Variants in TMEM120B observed in about 807,000 individuals in gnomAD.
The protein encoded by TMEM120B is transmembrane protein 120B.
Under a neutral mutation model 55.5 loss-of-function variants are expected in TMEM120B, and 31 were observed. That is an observed-to-expected ratio of 0.56 (90% CI 0.42 to 0.75). TMEM120B has a LOEUF of 0.75. TMEM120B is among the 30% of genes least tolerant of loss of function. The pLI is 0.00. For missense variants in TMEM120B, 399 were observed against 425.5 expected (o/e 0.94, Z 0.55); for synonymous variants, 203 against 176.3 (o/e 1.15, Z -1.20).
intron 3 of TMEM120B, among the ~76,000 whole-genome samples, chr12:121,749,988 GTC>G (rs1357146205): frequency 6.6e-6 from 1 of 151,086 alleles, no homozygotes; most frequent in African/African-American, 2.4e-5. Flanking sequence ...GTGAGACCCT[GTC>G]TCTAAAAATA....
chr12:121,774,766 C>T (rs759246658), intron 10 of TMEM120B, 44 bp downstream of exon 10: 3 of 1,597,736 alleles, frequency 1.9e-6, no homozygotes, highest in Non-Finnish European at 2.6e-6. Context: ...TCTGGGCTGA[C>T]CCCCAGGAAC....
intron 1 of TMEM120B, among the ~76,000 whole-genome samples, chr12:121,727,548 A>AG (rs35336753): frequency 0.41 from 57,747 of 141,802 alleles, 12,909 homozygotes; most frequent in African/African-American, 0.57. Flanking sequence ...AAAAAAAAAA[A>AG]AAAAAAAAAA....
chr12:121,760,640 G>T (rs1056543653), intron 5 of TMEM120B, among the ~76,000 whole-genome samples: 2 of 152,172 alleles, frequency 1.3e-5, no homozygotes, highest in African/African-American at 4.8e-5. Context: ...CAGCTCCTGA[G>T]ATCTTACCAG....
rs570198558 is a variant in TMEM120B, at chr12:121,714,295, C to T, written c.69+1331C>T. 9.2e-5 allele frequency among the ~76,000 whole-genome samples: 14 copies of T among 152,238 alleles called. No homozygotes were observed. In the South Asian group the frequency reaches 2.5e-3, roughly 27 times the overall value. On this transcript the variant is annotated intron_variant, in intron 1 of 11. Coordinates refer to ENST00000449592, the MANE Select transcript of TMEM120B (RefSeq NM_001080825.2). ...TGTTTTTGTGACAGAGTCTCACTGTCGCCCAGGCTGGAGTGCAGTGGCGTG... is the reference window on the plus strand; with the variant it reads ...TGTTTTTGTGACAGAGTCTCACTGTTGCCCAGGCTGGAGTGCAGTGGCGTG...
intron 9 of TMEM120B, 31 bp downstream of exon 9, chr12:121,773,544 GC>G: frequency 1.3e-6 from 2 of 1,541,610 alleles, no homozygotes; most frequent in Middle Eastern, 3.8e-4. Context: ...TGGAGCCGGG[GC>G]AGGTACTGGA....
Position 121,731,183 on chromosome 12 carries a change from A to G in TMEM120B, c.70-12446A>G, listed in dbSNP as rs114239678. ...TTGCATACTGATGTGTCTGTCAAAG[A>G]CAGTGGTCCTATGAGATTATGATGC... On this transcript the variant is annotated intron_variant, in intron 1 of 11. Coordinates refer to ENST00000449592, the MANE Select transcript of TMEM120B (RefSeq NM_001080825.2). 1.5e-3 allele frequency among the ~76,000 whole-genome samples: 221 copies of G among 152,240 alleles called. 1 individual carries two copies. The highest frequency in any genetic ancestry group is 5.1e-3 in the African/African-American group (211 of 41,538).
intron 1 of TMEM120B, among the ~76,000 whole-genome samples, chr12:121,729,692 G>A (rs1034239323): frequency 1.1e-4 from 17 of 151,706 alleles, no homozygotes; most frequent in Non-Finnish European, 2.4e-4. Flanking sequence ...CTAGCTACTC[G>A]GGAGGCTGAG....
At chr12:121,719,339 C>A (rs1415774168) in intron 1 of TMEM120B, among the ~76,000 whole-genome samples, 3 of 152,200 alleles carry the variant, frequency 2.0e-5, no homozygotes, top group Non-Finnish European at 4.4e-5. Flanking sequence ...CCTGTAATCC[C>A]AACAGGAGGC....
chr12:121,734,573 TC>T (rs1433778098), intron 1 of TMEM120B, among the ~76,000 whole-genome samples: 2 of 151,872 alleles, frequency 1.3e-5, no homozygotes. Flanking sequence ...AGTTTCTTTT[TC>T]TTTGTTTTTT....
chr12:121,750,413 C>A lies in TMEM120B; in HGVS notation c.339C>A (p.Asn113Lys). ...TGAACCTGGTCCTCGGCAATGTGAACGTGACCCTCCTCAGCAACCAGGCCA... is the reference window on the plus strand; with the variant it reads ...TGAACCTGGTCCTCGGCAATGTGAAAGTGACCCTCCTCAGCAACCAGGCCA... ...LYLNLVLGNVNVTLLSNQAKF... is the reference protein window; with the variant it reads ...LYLNLVLGNVKVTLLSNQAKF... Residue 113 changes from asparagine (N) to lysine (K), a missense_variant, in exon 4 of 12, where the codon AAC becomes AAA. This residue lies in a region of TMEM120B where 260 missense variants were observed against 303.9 expected (regional missense o/e 0.86). Transcript: ENST00000449592. 6.2e-7 allele frequency: 1 copy of A among 1,612,490 alleles called. No homozygotes were observed.
At chr12:121,755,742 T>C (rs1208109885) in intron 5 of TMEM120B, among the ~76,000 whole-genome samples, 4 of 152,170 alleles carry the variant, frequency 2.6e-5, no homozygotes, top group Admixed American at 2.6e-4. Context: ...TGGAGCTCAA[T>C]ACTGCTAGGG....
At chr12:121,717,960 A>G (rs182583484) in intron 1 of TMEM120B, among the ~76,000 whole-genome samples, 5 of 152,222 alleles carry the variant, frequency 3.3e-5, no homozygotes, top group Admixed American at 3.3e-4. Context: ...CCAGCCGGGC[A>G]TCTTTCTTTA....
rs767468444 is a variant in TMEM120B, at chr12:121,781,155, G to A, written c.*5433G>A. The A allele has an allele frequency of 6.2e-7, 1 of 1,614,232 alleles. No homozygotes were observed. Among genetic ancestry groups the A allele is most frequent in the South Asian group, 1.1e-5 (1 of 91,090 alleles). ...AGATGAGCACGAGGTGGGTGTTCTG[G>A]TAGGACAGGGGCCGCAGCCGGTCAT... On this transcript the variant is annotated 3_prime_UTR_variant, in exon 12 of 12. Transcript: ENST00000449592.
intron 5 of TMEM120B, chr12:121,758,839 G>A (rs1873572242): frequency 3.1e-6 from 3 of 980,546 alleles, no homozygotes; most frequent in African/African-American, 1.8e-5. Context: ...CTAGCTCCAC[G>A]TTGTGGTCAC....
rs55779572 is a variant in TMEM120B at position 121,772,109 on chromosome 12, T to C, written c.679+560T>C. Among the ~76,000 whole-genome samples the C allele has an allele frequency of 4.4e-4, 65 of 147,400 alleles. 1 individual carries two copies. Among genetic ancestry groups the C allele is most frequent in the East Asian group, 1.4e-3 (7 of 4,992 alleles). On this transcript the variant is annotated intron_variant, in intron 8 of 11. Transcript: ENST00000449592. The stretch of plus-strand genomic sequence containing the variant: ...TTTCTCTCTCTCTCTCTTTCTCTCT[T>C]TCTCTCTCTCTCTCTTTCTCTCTTT...
rs1247565092 is a variant in TMEM120B, at chr12:121,725,141, C to A, written c.69+12177C>A. Among the ~76,000 whole-genome samples, 3 of 152,118 alleles carry A rather than the reference C, an allele frequency of 2.0e-5. 1 individual carries two copies. In the East Asian group the frequency reaches 5.8e-4, roughly 29 times the overall value. ...TGATTTGGGTATTCTATGAAGTGTG[C>A]TTTGTTTGTTTGTTTGGATTGGCTT... On this transcript the variant is annotated intron_variant, in intron 1 of 11. Transcript: ENST00000449592.
rs1872996530 is a variant in TMEM120B at position 121,743,616 on chromosome 12, C to T, written c.70-13C>T. The T allele has an allele frequency of 3.7e-6, 6 of 1,603,192 alleles. No homozygotes were observed. The highest frequency in any genetic ancestry group is 5.1e-6 in the Non-Finnish European group (6 of 1,170,972). On this transcript the variant is annotated splice_polypyrimidine_tract_variant and intron_variant, in intron 1 of 11. Transcript: ENST00000449592. Reference sequence around the variant, plus strand: ...TCTCCCACACACCCTCCCCCGGGTCCCCTGTTCTTCAGGAGACGCACAGGA... The same window carrying T: ...TCTCCCACACACCCTCCCCCGGGTCTCCTGTTCTTCAGGAGACGCACAGGA...
rs1351864003 is a variant in TMEM120B, at chr12:121,779,566, TGGC to T, written c.*3848_*3850del. ...TTCTTCAGAGCGCTGAGAGCCACCT[TGGC>T]GGCCTCCCGGAAGACGTCCTCCACA... is the stretch of plus-strand genomic sequence containing the variant. On this transcript the variant is annotated 3_prime_UTR_variant, in exon 12 of 12. Transcript: ENST00000449592. The T allele has an allele frequency of 4.3e-6, 7 of 1,614,130 alleles. No individual in the cohort carries two copies. The South Asian group carries it at 4.4e-5, about 10-fold the overall frequency.
At chr12:121,722,473 A>G (rs943140923) in intron 1 of TMEM120B, among the ~76,000 whole-genome samples, 23 of 152,212 alleles carry the variant, frequency 1.5e-4, no homozygotes, top group Non-Finnish European at 3.1e-4. Context: ...AGTAGTTTTT[A>G]TAACACAACT....
Sources: allele counts gnomAD v4.1 joint callset (sites outside exome capture counted in the v4.1 genomes callset), GRCh38; gene constraint gnomAD v4.1.1; regional missense constraint gnomAD v4.1.1; transcripts MANE v1.5; gene names NCBI Gene and HGNC (gene_info 2026-07-23, HGNC 2026-07-21).